Variants in CNTNAP2 observed in about 807,000 individuals in gnomAD.
CNTNAP2 encodes contactin-associated protein-like 2.
Under a neutral mutation model 155.2 loss-of-function variants are expected in CNTNAP2, and 98 were observed. The ratio of observed to expected loss-of-function variants is 0.63; its 90% confidence interval spans 0.54 to 0.75. The LOEUF is 0.75. Ranked by LOEUF, CNTNAP2 falls within the 30% of genes least tolerant of loss-of-function variation. CNTNAP2 has a pLI of 0.00. For synonymous variants in CNTNAP2, 651 were observed against 631.2 expected (o/e 1.03, Z -0.47); for missense variants, 1,727 against 1,688.1 (o/e 1.02, Z -0.40).
rs1238406583 is a variant in CNTNAP2, at chr7:146,140,872, G to A, written c.97+23899G>A. ...GATTATTATGAAGGGGGTGGTGGCT[G>A]TTGACATTTAGAGGGCGAAAATCGG... On this transcript the variant is annotated intron_variant, in intron 1 of 23. Transcript: ENST00000361727. Among the ~76,000 whole-genome samples the A allele has an allele frequency of 3.3e-5, 5 of 152,118 alleles. No individual in the cohort carries two copies. The East Asian group carries it at 9.6e-4, about 29-fold the overall frequency.
chr7:146,488,311 CCCTT>C (rs147867725), intron 1 of CNTNAP2, among the ~76,000 whole-genome samples: 3,726 of 132,436 alleles, frequency 0.028, 73 homozygotes, highest in Middle Eastern at 0.055. Context: ...CTTCCTCCCT[CCCTT>C]CCTTCCTTCC....
At chr7:147,787,464 A>G (rs1438657462) in intron 13 of CNTNAP2, among the ~76,000 whole-genome samples, 1 of 152,270 alleles carries the variant, frequency 6.6e-6, no homozygotes, top group Non-Finnish European at 1.5e-5. Context: ...AGCGATTCCA[A>G]AATAGTCATT....
chr7:147,114,121 G>A (rs962351889), intron 5 of CNTNAP2, among the ~76,000 whole-genome samples: 21 of 152,130 alleles, frequency 1.4e-4, no homozygotes, highest in African/African-American at 4.3e-4. Flanking sequence ...TAGTTGTGTC[G>A]TTTTGAGAGA....
chr7:148,229,734 C>T lies in CNTNAP2; in HGVS notation c.3336C>T (p.Pro1112=), dbSNP rs765644833. ...VDHRNMANGQ[P]HSVNITRHEK... ...ACAGGAACATGGCCAATGGACAGCC[C>T]CACAGTGTCAACATCACCCGCCACG... The change falls in exon 20 of 24, where the codon CCC becomes CCT. Residue 1112 remains proline (P), a synonymous_variant. Coordinates refer to ENST00000361727, the MANE Select transcript of CNTNAP2 (RefSeq NM_014141.6). 5 of 1,613,912 alleles carry T rather than the reference C, an allele frequency of 3.1e-6. No homozygotes were observed. Among genetic ancestry groups the T allele is most frequent in the Admixed American group, 1.7e-5 (1 of 59,968 alleles).
At chr7:147,904,735 T>C (rs934013594) in intron 14 of CNTNAP2, among the ~76,000 whole-genome samples, 1 of 152,244 alleles carries the variant, frequency 6.6e-6, no homozygotes, top group African/African-American at 2.4e-5. Flanking sequence ...ATATTTCTTC[T>C]AGTAAATATA....
intron 11 of CNTNAP2, among the ~76,000 whole-genome samples, chr7:147,510,205 T>G (rs1288256831): frequency 6.6e-6 from 1 of 152,202 alleles, no homozygotes. Flanking sequence ...CTGCGTATTC[T>G]AATTCTTTCT....
At chr7:148,239,835 G>A (rs180708534) in intron 20 of CNTNAP2, among the ~76,000 whole-genome samples, 13 of 152,284 alleles carry the variant, frequency 8.5e-5, no homozygotes, top group South Asian at 4.2e-4. Context: ...TGGTGGAGGC[G>A]TGTGGTGAAG....
chr7:146,215,732 G>A (rs1396195383), intron 1 of CNTNAP2, among the ~76,000 whole-genome samples: 2 of 152,098 alleles, frequency 1.3e-5, no homozygotes, highest in East Asian at 1.9e-4. Context: ...ATAACTGGGG[G>A]AAATGTGTTA....
intron 1 of CNTNAP2, among the ~76,000 whole-genome samples, chr7:146,444,909 G>A (rs1028664418): frequency 4.0e-5 from 6 of 151,146 alleles, no homozygotes; most frequent in East Asian, 2.0e-4. Flanking sequence ...CACCCGCCTC[G>A]GCCTCCCAAA....
intron 8 of CNTNAP2, among the ~76,000 whole-genome samples, chr7:147,234,037 TAA>T (rs397791358): frequency 0.01 from 1,383 of 133,502 alleles, 19 homozygotes; most frequent in African/African-American, 0.032. Context: ...CTATCCACAG[TAA>T]AAAAAAAAAA....
intron 1 of CNTNAP2, among the ~76,000 whole-genome samples, chr7:146,741,854 G>A (rs1158320036): frequency 2.0e-5 from 3 of 152,050 alleles, no homozygotes; most frequent in African/African-American, 7.2e-5. Context: ...GAATGGAGAG[G>A]GTACCGAAGG....
chr7:147,670,818 A>T (rs1215251437), intron 13 of CNTNAP2, among the ~76,000 whole-genome samples: 1 of 152,212 alleles, frequency 6.6e-6, no homozygotes, highest in African/African-American at 2.4e-5. Flanking sequence ...TAGTGTGGAT[A>T]AAAAAGGCTG....
At chr7:147,000,806 C>T (rs1444033232) in intron 3 of CNTNAP2, among the ~76,000 whole-genome samples, 1 of 152,124 alleles carries the variant, frequency 6.6e-6, no homozygotes, top group Non-Finnish European at 1.5e-5. Flanking sequence ...ATCCCATGAC[C>T]TCTGAGGTCT....
At chr7:147,784,837 G>A (rs1797715100) in intron 13 of CNTNAP2, among the ~76,000 whole-genome samples, 1 of 151,768 alleles carries the variant, frequency 6.6e-6, no homozygotes, top group Admixed American at 6.6e-5. Flanking sequence ...GGTGGTGGTG[G>A]TTGTTGATAA....
At chr7:147,293,465 T>C (rs1263113449) in intron 8 of CNTNAP2, among the ~76,000 whole-genome samples, 1 of 152,188 alleles carries the variant, frequency 6.6e-6, no homozygotes, top group Non-Finnish European at 1.5e-5. Flanking sequence ...AAAAGGATAA[T>C]TGATTATTAA....
chr7:146,160,195 G>A (rs1798195966), intron 1 of CNTNAP2, among the ~76,000 whole-genome samples: 1 of 152,174 alleles, frequency 6.6e-6, no homozygotes, highest in Admixed American at 6.5e-5. Flanking sequence ...TTAAAGCAGT[G>A]TGTGCAGGGA....
chr7:146,574,002 G>C (rs1243214239), intron 1 of CNTNAP2, among the ~76,000 whole-genome samples: 1 of 152,128 alleles, frequency 6.6e-6, no homozygotes, highest in African/African-American at 2.4e-5. Context: ...TGGAAACTTT[G>C]TTTCTGGATA....
At chr7:146,904,915 G>A (rs1796087235) in intron 3 of CNTNAP2, among the ~76,000 whole-genome samples, 3 of 152,108 alleles carry the variant, frequency 2.0e-5, no homozygotes, top group Admixed American at 2.0e-4. Flanking sequence ...AACATCTCAA[G>A]CTCACCTACC....
intron 8 of CNTNAP2, among the ~76,000 whole-genome samples, chr7:147,185,699 AC>A (rs1283296035): frequency 6.6e-6 from 1 of 152,206 alleles, no homozygotes; most frequent in African/African-American, 2.4e-5. Flanking sequence ...TGAGTATAAA[AC>A]AAAACACTAT....
Sources: gnomAD v4.1 joint callset for allele counts (sites outside exome capture counted in the v4.1 genomes callset) on GRCh38, gnomAD v4.1.1 for gene constraint, MANE v1.5 for transcripts, NCBI Gene and HGNC (gene_info 2026-07-23, HGNC 2026-07-21) for gene names.